PREX1: variants seen among roughly 807,000 people sequenced by gnomAD.
PREX1 encodes the protein phosphatidylinositol 3,4,5-trisphosphate-dependent Rac exchanger 1 protein.
Under a neutral mutation model 198.3 loss-of-function variants are expected in PREX1, and 41 were observed. The observed-to-expected ratio is 0.21, with a 90% CI of 0.16 to 0.27. The LOEUF (loss-of-function observed/expected upper bound fraction) is 0.27, where lower values mean the gene tolerates loss of function less well. Ranked by LOEUF, PREX1 falls within the 10% of genes least tolerant of loss-of-function variation. PREX1 has a pLI of 1.00. For synonymous variants in PREX1, 843 were observed against 887.2 expected (o/e 0.95, Z 0.89); for missense variants, 1,620 against 2,200.7 (o/e 0.74, Z 5.28).
chr20:48,787,826 C>G (rs1187724045), intron 1 of PREX1, among the ~76,000 whole-genome samples: 1 of 152,044 alleles, frequency 6.6e-6, no homozygotes, highest in Non-Finnish European at 1.5e-5. Context: ...GATCAAAACA[C>G]TTTTTTTCCC....
intron 38 of PREX1, 63 bp from the exon 39 acceptor site, chr20:48,627,678 GGGGGGT>G: frequency 5.2e-6 from 8 of 1,526,546 alleles, no homozygotes; most frequent in Non-Finnish European, 7.3e-6. Context: ...GAAGCACACT[GGGGGGT>G]GGGGGTGGGG....
intron 16 of PREX1, 120 bp downstream of exon 16, chr20:48,659,799 C>T: frequency 1.4e-6 from 2 of 1,395,584 alleles, no homozygotes; most frequent in South Asian, 1.3e-5. Flanking sequence ...ACCTAGAATC[C>T]ACCTATTCTG....
intron 1 of PREX1, among the ~76,000 whole-genome samples, chr20:48,772,527 G>C (rs576515251): frequency 6.6e-6 from 1 of 152,328 alleles, no homozygotes; most frequent in East Asian, 1.9e-4. Flanking sequence ...CACCAACCAC[G>C]GGACACAGAC....
At position 48,636,455 on chromosome 20, in the gene PREX1, T is replaced by G. The variant is rs183431645; in HGVS notation, c.4167+8A>C. The G allele has an allele frequency of 1.9e-6, 3 of 1,596,390 alleles. No individual in the cohort carries two copies. The African/African-American group carries it at 4.0e-5, about 21-fold the overall frequency. On this transcript the variant is annotated splice_region_variant and intron_variant, in intron 32 of 39. Transcript: ENST00000371941. ...CAGCGGGGCCGCCCTCCCGCCCCAC[T>G]CACTCACCACTGTGGCTGGCGAGAG... is the stretch of plus-strand genomic sequence containing the variant.
chr20:48,799,474 G>C (rs2090376600), intron 1 of PREX1, among the ~76,000 whole-genome samples: 1 of 152,182 alleles, frequency 6.6e-6, no homozygotes, highest in Admixed American at 6.5e-5. Context: ...AAACCCTGTG[G>C]CCCTGCCCCG....
At chr20:48,742,045 C>T (rs979105392) in intron 3 of PREX1, among the ~76,000 whole-genome samples, 2 of 152,130 alleles carry the variant, frequency 1.3e-5, no homozygotes, top group South Asian at 2.1e-4. Flanking sequence ...TCTGTTGGCT[C>T]AGGGGAGAAC....
At chr20:48,834,110 G>A in the PREX1 span, among the ~76,000 whole-genome samples, 60 of 151,946 alleles carry the variant, frequency 3.9e-4, no homozygotes, top group African/African-American at 1.4e-3. Context: ...AAATGCAAAT[G>A]CCTCAGAAGG....
At chr20:48,636,758 G>A in intron 31 of PREX1, 75 bp from the exon 32 acceptor site, 1 of 1,371,554 alleles carries the variant, frequency 7.3e-7, no homozygotes, top group Non-Finnish European at 9.9e-7. Flanking sequence ...CCAAAACCCT[G>A]GGTCCAGGAC....
chr20:48,650,654 G>A (rs567216172), intron 23 of PREX1, among the ~76,000 whole-genome samples: 42 of 152,392 alleles, frequency 2.8e-4, no homozygotes, highest in Admixed American at 2.0e-4. Flanking sequence ...CACCACATGA[G>A]AAGGGTTTGC....
At chr20:48,740,027 G>A (rs973274840) in intron 3 of PREX1, among the ~76,000 whole-genome samples, 3 of 152,188 alleles carry the variant, frequency 2.0e-5, no homozygotes, top group Admixed American at 6.5e-5. Context: ...GGGAAAGGGG[G>A]TGAGGGACTC....
chr20:48,730,878 T>C (rs1182566273), intron 4 of PREX1, among the ~76,000 whole-genome samples: 1 of 151,904 alleles, frequency 6.6e-6, no homozygotes, highest in African/African-American at 2.4e-5. Flanking sequence ...CACACTATAG[T>C]CCCAGCTTCT....
At chr20:48,814,026 C>T (rs1449396908) in intron 1 of PREX1, among the ~76,000 whole-genome samples, 2 of 152,186 alleles carry the variant, frequency 1.3e-5, no homozygotes, top group African/African-American at 2.4e-5. Flanking sequence ...AGCTCCCTGA[C>T]GTGGCAAATA....
chr20:48,759,564 A>AG (rs1555842229), intron 1 of PREX1, among the ~76,000 whole-genome samples: 11 of 150,908 alleles, frequency 7.3e-5, no homozygotes, highest in African/African-American at 1.2e-4. Context: ...AAAAAAAAAA[A>AG]AAAAGAAAAG....
At chr20:48,837,619 C>T in the PREX1 span, among the ~76,000 whole-genome samples, 8 of 152,106 alleles carry the variant, frequency 5.3e-5, no homozygotes, top group African/African-American at 1.2e-4. Flanking sequence ...AGCTAAATGA[C>T]GAGAACTCAT....
chr20:48,871,730 CTAT>C, the PREX1 span, among the ~76,000 whole-genome samples: 1 of 115,470 alleles, frequency 8.7e-6, no homozygotes, highest in African/African-American at 3.4e-5. Context: ...GTTTTCTTAA[CTAT>C]AATATGGAGA....
chr20:48,833,491 G>A, the PREX1 span, among the ~76,000 whole-genome samples: 1 of 149,176 alleles, frequency 6.7e-6, no homozygotes, highest in Non-Finnish European at 1.5e-5. Context: ...GCCCAGAGTG[G>A]AATGCAATGC....
intron 1 of PREX1, among the ~76,000 whole-genome samples, chr20:48,771,256 C>T (rs2090234242): frequency 6.6e-6 from 1 of 150,864 alleles, no homozygotes. Flanking sequence ...CCCTATCCGA[C>T]CTTTAGGTTG....
chr20:48,692,356 T>C (rs2089823780), intron 8 of PREX1: 1 of 237,682 alleles, frequency 4.2e-6, no homozygotes, highest in Non-Finnish European at 8.3e-6. Flanking sequence ...AATTAAAATG[T>C]TTAGTCATAA....
chr20:48,797,800 G>A (rs141754222), intron 1 of PREX1, among the ~76,000 whole-genome samples: 11 of 152,298 alleles, frequency 7.2e-5, no homozygotes, highest in East Asian at 3.9e-4. Context: ...TTTGCACCCC[G>A]CTGTAACCCC....
Sources: allele counts gnomAD v4.1 joint callset (sites outside exome capture counted in the v4.1 genomes callset), GRCh38; gene constraint gnomAD v4.1.1; transcripts MANE v1.5; gene names NCBI Gene and HGNC (gene_info 2026-07-23, HGNC 2026-07-21).